The following ZDHHC21 variants were observed in gnomAD, a reference collection of about 807,000 sequenced individuals.
ZDHHC21 encodes zDHHC palmitoyltransferase 21.
ZDHHC21 carries 15 observed loss-of-function variants against 34.6 expected under a neutral mutation model. The observed-to-expected ratio is 0.43, with a 90% CI of 0.29 to 0.67. ZDHHC21 has a LOEUF of 0.67. Ranked by LOEUF, ZDHHC21 falls within the 30% of genes least tolerant of loss-of-function variation. The pLI, the probability that ZDHHC21 is intolerant of heterozygous loss-of-function variation, is 0.14. For missense variants in ZDHHC21, 344 were observed against 327.7 expected, an observed-to-expected ratio of 1.05 and a Z score of -0.38; for synonymous variants, 142 against 101.8, an observed-to-expected ratio of 1.40 and a Z score of -2.38.
chr9:14,671,351 G>C (rs1310087698), intron 5 of ZDHHC21, among the ~76,000 whole-genome samples: 3 of 151,976 alleles, frequency 2.0e-5, no homozygotes, highest in African/African-American at 7.2e-5. Context: ...GTAATGCTTT[G>C]AGAAGAAAAA....
chr9:14,632,203 G>C (rs1827490555), intron 8 of ZDHHC21, among the ~76,000 whole-genome samples: 1 of 151,920 alleles, frequency 6.6e-6, no homozygotes, highest in African/African-American at 2.4e-5. Context: ...CTACTATCAA[G>C]CAACAGTAAT....
In ZDHHC21 at chr9:14,643,568, T is replaced by A. The variant is rs1829776654; in HGVS notation, c.505-3556A>T. Among the ~76,000 whole-genome samples the A allele has an allele frequency of 2.0e-5, 3 of 152,218 alleles. No homozygotes were observed. In the South Asian group the frequency reaches 6.2e-4, roughly 32 times the overall value. On this transcript the variant is annotated intron_variant, in intron 7 of 9. Coordinates refer to ENST00000380916, the MANE Select transcript of ZDHHC21 (RefSeq NM_178566.6). ...TTTTCCTTTAGTGCTTTTTATATCC[T>A]ATTTAAGAAATCTTTCCTGATGCTG...
At chr9:14,621,941 CAGTT>C (rs1825381368) in intron 8 of ZDHHC21, among the ~76,000 whole-genome samples, 1 of 152,054 alleles carries the variant, frequency 6.6e-6, no homozygotes, top group East Asian at 1.9e-4. Context: ...AGACTCAACA[CAGTT>C]AGTGCTCATC....
intron 7 of ZDHHC21, among the ~76,000 whole-genome samples, chr9:14,657,996 A>G (rs1832578756): frequency 6.6e-6 from 1 of 152,218 alleles, no homozygotes; most frequent in Non-Finnish European, 1.5e-5. Context: ...CATGCATTAT[A>G]TTCTCAGTGG....
At chr9:14,666,700 C>G (rs1834510078) in intron 5 of ZDHHC21, among the ~76,000 whole-genome samples, 1 of 100,252 alleles carries the variant, frequency 1.0e-5, no homozygotes, top group East Asian at 4.4e-4. Flanking sequence ...GAATCCCACT[C>G]AAAGCCGCTC....
chr9:14,647,786 T>A (rs1830525955), intron 7 of ZDHHC21, among the ~76,000 whole-genome samples: 2 of 152,178 alleles, frequency 1.3e-5, no homozygotes, highest in Non-Finnish European at 2.9e-5. Context: ...CAAAAACTGA[T>A]GAGTGCCTAG....
the ZDHHC21 span, among the ~76,000 whole-genome samples, chr9:14,597,133 G>A: frequency 1.3e-5 from 2 of 152,136 alleles, no homozygotes; most frequent in East Asian, 1.9e-4. Context: ...TTGTTCCAGA[G>A]AGGGAGTTTG....
chr9:14,596,457 A>G, the ZDHHC21 span, among the ~76,000 whole-genome samples: 2 of 152,222 alleles, frequency 1.3e-5, no homozygotes, highest in Admixed American at 6.5e-5. Context: ...AACCTTCCAC[A>G]TACCTACATG....
At position 14,690,326 on chromosome 9, in the gene ZDHHC21, T is replaced by C; in HGVS notation, c.-176+11A>G. The C allele has an allele frequency of 2.2e-6, 1 of 455,096 alleles. No homozygotes were observed. Among genetic ancestry groups the C allele is most frequent in the South Asian group, 1.6e-5 (1 of 64,158 alleles). The allele number at this position is 455,096 out of a possible 1,614,324, so 28.2% of individuals were successfully genotyped here. The stretch of plus-strand genomic sequence containing the variant: ...AAGAACACTAACACCATAAGAAAAA[T>C]CTCTCCTCACCTGCTTGCTGAAGCT... On this transcript the variant is annotated intron_variant, in intron 2 of 9. Transcript: ENST00000380916.
chr9:14,615,816 G>C lies in ZDHHC21; in HGVS notation c.*3150C>G, dbSNP rs1586855346. ...CAGAAGGTCGACAAATGACTTTACT[G>C]ATGTAAAAACATGCTTTAACATACA... On this transcript the variant is annotated 3_prime_UTR_variant, in exon 10 of 10. Transcript: ENST00000380916. 1 of 151,624 alleles carries C rather than the reference G, an allele frequency of 6.6e-6. No homozygotes were observed. 9.4% of individuals were successfully genotyped at this position (151,624 alleles called of 1,614,324 possible). A position where few individuals can be genotyped will look rare whatever the true frequency, so the allele number is the denominator to read the frequency against.
intron 3 of ZDHHC21, among the ~76,000 whole-genome samples, chr9:14,679,353 C>T (rs1235839365): frequency 6.6e-6 from 1 of 152,076 alleles, no homozygotes; most frequent in Non-Finnish European, 1.5e-5. Context: ...CGATGTTAAA[C>T]AAAATTCTTC....
intron 8 of ZDHHC21, 27 bp downstream of exon 8, chr9:14,639,869 G>C (rs772729956): frequency 7.7e-7 from 1 of 1,298,870 alleles, no homozygotes; most frequent in South Asian, 1.4e-5. Flanking sequence ...ATTCATAAAT[G>C]TTACTTTACA....
downstream of ZDHHC21, among the ~76,000 whole-genome samples, chr9:14,610,900 A>G (rs545045938): frequency 6.6e-6 from 1 of 152,170 alleles, no homozygotes; most frequent in East Asian, 1.9e-4. Flanking sequence ...CTTTTTGAAT[A>G]CTTAATGAAT....
At chr9:14,667,351 A>G (rs1338027303) in intron 5 of ZDHHC21, among the ~76,000 whole-genome samples, 18 of 151,560 alleles carry the variant, frequency 1.2e-4, no homozygotes, top group South Asian at 2.1e-4. Flanking sequence ...AATTGTGGCA[A>G]TAATCAATAG....
At chr9:14,591,639 T>C in the ZDHHC21 span, among the ~76,000 whole-genome samples, 1 of 152,190 alleles carries the variant, frequency 6.6e-6, no homozygotes, top group Non-Finnish European at 1.5e-5. Flanking sequence ...AACTGGTCCA[T>C]GATCCCTTCA....
At chr9:14,646,875 G>A (rs1587094305) in intron 7 of ZDHHC21, among the ~76,000 whole-genome samples, 1 of 152,040 alleles carries the variant, frequency 6.6e-6, no homozygotes. Flanking sequence ...TCTCTTAGCA[G>A]TATGCAAGTT....
At chr9:14,601,594 C>A in the ZDHHC21 span, among the ~76,000 whole-genome samples, 1 of 152,158 alleles carries the variant, frequency 6.6e-6, no homozygotes, top group Admixed American at 6.5e-5. Context: ...GTGGCAATTC[C>A]TCAAGGATCT....
the ZDHHC21 span, among the ~76,000 whole-genome samples, chr9:14,594,391 G>C: frequency 6.6e-6 from 1 of 152,128 alleles, no homozygotes; most frequent in Non-Finnish European, 1.5e-5. Context: ...TCACATGCTA[G>C]AAATAAGCAT....
chr9:14,618,603 T>C lies in ZDHHC21; in HGVS notation c.*363A>G, dbSNP rs916583118. The C allele has an allele frequency of 3.1e-5, 5 of 162,894 alleles. No individual in the cohort carries two copies. The highest frequency in any genetic ancestry group is 1.2e-4 in the African/African-American group (5 of 41,924). 10.1% of individuals were successfully genotyped at this position (162,894 alleles called of 1,614,324 possible). On this transcript the variant is annotated 3_prime_UTR_variant, in exon 10 of 10. Coordinates refer to ENST00000380916, the MANE Select transcript of ZDHHC21 (RefSeq NM_178566.6). ...TTGGTTACTGTTTAAAAGTGAAAAT[T>C]TTAAATAAACATCTGAAATTTACCA...
Sources: gnomAD v4.1 joint callset for allele counts (sites outside exome capture counted in the v4.1 genomes callset) on GRCh38, gnomAD v4.1.1 for gene constraint, MANE v1.5 for transcripts, NCBI Gene and HGNC (gene_info 2026-07-23, HGNC 2026-07-21) for gene names.